ISCU: variants seen among roughly 807,000 people sequenced by gnomAD.
ISCU encodes the protein iron-sulfur cluster assembly enzyme ISCU.
In ISCU, 13 loss-of-function variants were observed where a neutral mutation model predicts 18.4. The observed-to-expected ratio is 0.71, with a 90% CI of 0.46 to 1.12. The LOEUF is 1.12. Among genes scored for constraint, ISCU ranks in the 50% most tolerant of loss-of-function variants. The pLI, the probability that ISCU is intolerant of heterozygous loss-of-function variation, is 0.00. For synonymous variants in ISCU, 104 were observed against 87.5 expected (o/e 1.19, Z -1.06); for missense variants, 229 against 208.7 (o/e 1.10, Z -0.60).
At chr12:108,563,640 A>G (rs1374531928) in intron 1 of ISCU, 1 of 252,104 alleles carries the variant, frequency 4.0e-6, no homozygotes, top group South Asian at 4.5e-5. Flanking sequence ...CCTTTCTCCA[A>G]GGGCTTCTTC....
intron 2 of ISCU, 30 bp downstream of exon 2, chr12:108,564,422 C>T: frequency 7.0e-7 from 1 of 1,426,346 alleles, no homozygotes; most frequent in Admixed American, 1.7e-5. Flanking sequence ...ATAGTGATAA[C>T]AATAATCCCT....
intron 3 of ISCU, among the ~76,000 whole-genome samples, chr12:108,566,426 C>A (rs2030899694): frequency 6.6e-6 from 1 of 152,250 alleles, no homozygotes; most frequent in Non-Finnish European, 1.5e-5. Context: ...GAGGACATTT[C>A]TTTAACCTTG....
intron 3 of ISCU, among the ~76,000 whole-genome samples, chr12:108,566,560 G>A (rs1198281931): frequency 2.0e-5 from 3 of 152,220 alleles, no homozygotes; most frequent in Non-Finnish European, 4.4e-5. Context: ...TTTTCTGTAA[G>A]GCAGTGGGGC....
chr12:108,561,478 G>A (rs975728444), upstream of ISCU: 5 of 311,720 alleles, frequency 1.6e-5, no homozygotes, highest in Admixed American at 4.8e-5. Context: ...AGAATTTGGC[G>A]CCATCTTGAG....
upstream of ISCU, chr12:108,561,471 A>G (rs758897838): frequency 4.3e-5 from 14 of 328,458 alleles, no homozygotes; most frequent in Non-Finnish European, 8.0e-5. Context: ...GTAGTGAAGA[A>G]TTTGGCGCCA....
chr12:108,564,380 A>G lies in ISCU; in HGVS notation c.216A>G (p.Val72=), dbSNP rs773117311. 16 of 1,611,362 alleles carry G rather than the reference A, an allele frequency of 9.9e-6. No individual in the cohort carries two copies. The East Asian group carries it at 3.1e-4, about 31-fold the overall frequency. The change falls in exon 2 of 5, where the codon GTA becomes GTG. Residue 72 remains valine (V), a synonymous_variant. Coordinates refer to ENST00000311893, the MANE Select transcript of ISCU (RefSeq NM_213595.4). ...GLVGAPACGD[V]MKLQIQVDEK... ...TGGGGGCTCCAGCATGTGGTGACGTAATGAAATTACAGGTATGGCTAGTCT... is the reference window on the plus strand; with the variant it reads ...TGGGGGCTCCAGCATGTGGTGACGTGATGAAATTACAGGTATGGCTAGTCT...
intron 4 of ISCU, chr12:108,568,348 G>A: frequency 9.1e-7 from 1 of 1,094,008 alleles, no homozygotes; most frequent in Non-Finnish European, 1.1e-6. Flanking sequence ...TCACTAGAGG[G>A]TGATGTGGCA....
chr12:108,567,611 C>G (rs1348762409), intron 4 of ISCU: 2 of 1,485,398 alleles, frequency 1.3e-6, no homozygotes, highest in African/African-American at 2.8e-5. Flanking sequence ...CATCACATGG[C>G]TAATAAGTGG....
chr12:108,562,614 G>C lies in ISCU; in HGVS notation c.-9G>C. ...TCGCTCTGGACTGGCGCAGGCGCAA[G>C]CCGGCAAGATGGCGGCGGCTGGGGC... is the stretch of plus-strand genomic sequence containing the variant. On this transcript the variant is annotated 5_prime_UTR_variant, in exon 1 of 5. Transcript: ENST00000311893. 6.9e-7 allele frequency: 1 copy of C among 1,447,392 alleles called. No individual in the cohort carries two copies. The highest frequency in any genetic ancestry group is 9.1e-7 in the Non-Finnish European group (1 of 1,100,708). 89.7% of individuals were successfully genotyped at this position (1,447,392 alleles called of 1,614,324 possible).
At chr12:108,562,495 G>A (rs985643085), upstream of ISCU, 16 of 506,718 alleles carry the variant, frequency 3.2e-5, no homozygotes, top group Non-Finnish European at 4.9e-5. Context: ...ACGCGTGCAC[G>A]GAGCGGTAAA....
rs1491378480 is a variant in ISCU, at chr12:108,568,025, C to CA, written c.418+758dup. ...TCAGGCCTCTTGCCAAGGTAATACTCACAGCAGAAGAGCCAGGTGCCGGGG... is the reference window on the plus strand; with the variant it reads ...TCAGGCCTCTTGCCAAGGTAATACTCAACAGCAGAAGAGCCAGGTGCCGGGG... On this transcript the variant is annotated intron_variant, in intron 4 of 4. Coordinates refer to ENST00000311893, the MANE Select transcript of ISCU (RefSeq NM_213595.4). 1.3e-5 allele frequency: 20 copies of CA among 1,517,048 alleles called. 1 individual carries two copies. In the East Asian group the frequency reaches 3.0e-4, roughly 22 times the overall value. The allele number at this position is 1,517,048 out of a possible 1,614,324, so 94.0% of individuals were successfully genotyped here.
At chr12:108,565,476 G>A (rs1174941165) in intron 3 of ISCU, 45 bp downstream of exon 3, 12 of 1,293,650 alleles carry the variant, frequency 9.3e-6, no homozygotes, top group Non-Finnish European at 1.2e-5. Context: ...AAGTAACCAT[G>A]ACTTTTTTTT....
chr12:108,562,212 T>C (rs1232900369), upstream of ISCU, among the ~76,000 whole-genome samples: 1 of 152,230 alleles, frequency 6.6e-6, no homozygotes, highest in African/African-American at 2.4e-5. Flanking sequence ...CATAAGTCCT[T>C]AGCGACCTTG....
chr12:108,564,062 A>T (rs1299827606), intron 1 of ISCU: 2 of 1,597,710 alleles, frequency 1.3e-6, no homozygotes, highest in Non-Finnish European at 1.7e-6. Flanking sequence ...TCTTCTAGGT[A>T]TCTCAAATCT....
chr12:108,565,257 C>T (rs2030834521), intron 2 of ISCU, 64 bp from the exon 3 acceptor site: 2 of 1,208,930 alleles, frequency 1.7e-6, no homozygotes, highest in South Asian at 2.4e-5. Flanking sequence ...GGTGAACCTT[C>T]GTGAGTGCCA....
chr12:108,567,472 G>A (rs1565876579), intron 4 of ISCU: 1 of 718,484 alleles, frequency 1.4e-6, no homozygotes, highest in South Asian at 1.6e-5. Flanking sequence ...AAGGAGGTAT[G>A]CACCAGCCAT....
intron 1 of ISCU, chr12:108,563,821 T>C (rs2030751920): frequency 1.9e-6 from 1 of 514,188 alleles, no homozygotes; most frequent in Non-Finnish European, 3.5e-6. Flanking sequence ...ACACATTCCA[T>C]AGCATTGTTC....
In ISCU at chr12:108,568,706, T is replaced by C. The variant is rs78129913; in HGVS notation, c.419-125T>C. The C allele has an allele frequency of 1.7e-3, 2,604 of 1,523,688 alleles. 43 individuals are homozygous for C. In the African/African-American group the frequency reaches 0.031, roughly 18 times the overall value. The allele number at this position is 1,523,688 out of a possible 1,614,324, so 94.4% of individuals were successfully genotyped here. On this transcript the variant is annotated intron_variant, in intron 4 of 4. Coordinates refer to ENST00000311893, the MANE Select transcript of ISCU (RefSeq NM_213595.4). ...TGCCCAGCAACTCCTCACCCCAGCT[T>C]TCTGGCTTGGTTACTCCATTAGTCC...
chr12:108,565,247 G>A (rs1268724201), intron 2 of ISCU, 74 bp from the exon 3 acceptor site: 6 of 1,062,412 alleles, frequency 5.6e-6, no homozygotes, highest in Middle Eastern at 4.0e-4. Context: ...GGAAGGCCCT[G>A]GTGAACCTTC....
Sources: gnomAD v4.1 joint callset for allele counts (sites outside exome capture counted in the v4.1 genomes callset) on GRCh38, gnomAD v4.1.1 for gene constraint, MANE v1.5 for transcripts, NCBI Gene and HGNC (gene_info 2026-07-23, HGNC 2026-07-21) for gene names.